The following RALGPS2 variants were observed in gnomAD, a reference collection of about 807,000 sequenced individuals.
RALGPS2 encodes Ral GEF with PH domain and SH3 binding motif 2, also known as ras-specific guanine nucleotide-releasing factor RalGPS2.
A neutral mutation model predicts 86.8 loss-of-function variants in RALGPS2; 43 were observed. That is an observed-to-expected ratio of 0.50 (90% CI 0.39 to 0.64). The LOEUF (loss-of-function observed/expected upper bound fraction) is 0.64, where lower values mean the gene tolerates loss of function less well. RALGPS2 is among the 30% of genes least tolerant of loss of function. The probability of loss-of-function intolerance (pLI) is 0.00; values close to 1 mark genes in which losing one functional copy is unlikely to be tolerated. For missense variants in RALGPS2, 536 were observed against 694.6 expected (o/e 0.77, Z 2.57); for synonymous variants, 243 against 231.3 (o/e 1.05, Z -0.46).
intron 1 of RALGPS2, among the ~76,000 whole-genome samples, chr1:178,751,870 T>G (rs1391608540): frequency 6.6e-6 from 1 of 152,220 alleles, no homozygotes; most frequent in Non-Finnish European, 1.5e-5. Flanking sequence ...GTTATAGGTG[T>G]TGTTACTTTT....
At chr1:178,774,924 G>C (rs1013422196) in intron 1 of RALGPS2, among the ~76,000 whole-genome samples, 1 of 152,140 alleles carries the variant, frequency 6.6e-6, no homozygotes, top group Non-Finnish European at 1.5e-5. Flanking sequence ...CTACTTCTAG[G>C]AAACAGATCT....
intron 9 of RALGPS2, among the ~76,000 whole-genome samples, chr1:178,878,617 T>G (rs1041361057): frequency 6.6e-6 from 1 of 152,176 alleles, no homozygotes; most frequent in Non-Finnish European, 1.5e-5. Context: ...CTGTTTAGTT[T>G]AGAATAGTTC....
chr1:178,747,691 A>G lies in RALGPS2; in HGVS notation c.-84+22272A>G, dbSNP rs114523108. The G allele has an allele frequency of 6.3e-4, 928 of 1,467,292 alleles. 5 individuals carry two copies. In the African/African-American group the frequency reaches 9.8e-3, roughly 16 times the overall value. The allele number at this position is 1,467,292 out of a possible 1,614,324, so 90.9% of individuals were successfully genotyped here. A position where few individuals can be genotyped will look rare whatever the true frequency, so the allele number is the denominator to read the frequency against. On this transcript the variant is annotated intron_variant, in intron 1 of 19. Coordinates refer to ENST00000367635, the MANE Select transcript of RALGPS2 (RefSeq NM_152663.5). ...TTTAACACAACTGTGATCATCAAGTACAGCAGCTGCCAGCGATGCTGAGCA... is the reference window on the plus strand; with the variant it reads ...TTTAACACAACTGTGATCATCAAGTGCAGCAGCTGCCAGCGATGCTGAGCA...
chr1:178,766,530 G>A (rs890349975), intron 1 of RALGPS2, among the ~76,000 whole-genome samples: 1 of 152,054 alleles, frequency 6.6e-6, no homozygotes, highest in East Asian at 1.9e-4. Flanking sequence ...CACCTAGTCA[G>A]TGTGTCTTTA....
chr1:178,737,042 A>G (rs939593865), intron 1 of RALGPS2, among the ~76,000 whole-genome samples: 1 of 152,202 alleles, frequency 6.6e-6, no homozygotes, highest in Non-Finnish European at 1.5e-5. Flanking sequence ...CTCTTGTTTT[A>G]CTTTTCCTTG....
Position 178,865,693 on chromosome 1 carries a change from A to T in RALGPS2, c.608-11805A>T, listed in dbSNP as rs569779866. The T allele has an allele frequency of 5.9e-4, 948 of 1,613,842 alleles. 15 individuals are homozygous for T. The South Asian group carries it at 9.9e-3, about 17-fold the overall frequency. On this transcript the variant is annotated intron_variant, in intron 8 of 19. Transcript: ENST00000367635. ...GGTATCTTCTCTGGTTTATTTTTTT[A>T]ATTTTGAATTGTCCACCTCTGCAAT...
chr1:178,789,567 C>A (rs555377234), intron 4 of RALGPS2, among the ~76,000 whole-genome samples: 4 of 152,276 alleles, frequency 2.6e-5, no homozygotes, highest in African/African-American at 9.6e-5. Context: ...TGGCTTTGGA[C>A]ATACTTATTT....
chr1:178,772,747 C>T (rs928121015), intron 1 of RALGPS2, among the ~76,000 whole-genome samples: 1 of 152,062 alleles, frequency 6.6e-6, no homozygotes, highest in Admixed American at 6.6e-5. Context: ...TGTAGAATCT[C>T]TTTTTATTGA....
intron 4 of RALGPS2, among the ~76,000 whole-genome samples, chr1:178,805,834 G>T (rs1160813423): frequency 6.6e-6 from 1 of 151,828 alleles, no homozygotes; most frequent in African/African-American, 2.4e-5. Context: ...CTTAAGTTTT[G>T]TTTTCTTTGA....
At chr1:178,765,172 T>A (rs78603177) in intron 1 of RALGPS2, among the ~76,000 whole-genome samples, 7 of 151,180 alleles carry the variant, frequency 4.6e-5, no homozygotes, top group South Asian at 2.1e-4. Flanking sequence ...TTTTTTTTTT[T>A]TATACAGAGT....
intron 4 of RALGPS2, among the ~76,000 whole-genome samples, chr1:178,798,699 C>T (rs1485100944): frequency 1.3e-5 from 2 of 151,962 alleles, no homozygotes; most frequent in Non-Finnish European, 2.9e-5. Context: ...GTATGGAAAC[C>T]CCACACGTTT....
chr1:178,742,338 G>T (rs1035619384), intron 1 of RALGPS2, among the ~76,000 whole-genome samples: 2 of 152,090 alleles, frequency 1.3e-5, no homozygotes, highest in Non-Finnish European at 2.9e-5. Flanking sequence ...CAAGACCCAA[G>T]CAAAGAGTAT....
rs780602915 is a variant in RALGPS2 at position 178,852,685 on chromosome 1, G to A, written c.607+19135G>A. The stretch of plus-strand genomic sequence containing the variant: ...GAATGAAAGTTTTTCATACTTACCT[G>A]CATACATATCTTTATCTCTGTCCAG... On this transcript the variant is annotated intron_variant, in intron 8 of 19. Coordinates refer to ENST00000367635, the MANE Select transcript of RALGPS2 (RefSeq NM_152663.5). 5 of 1,611,066 alleles carry A rather than the reference G, an allele frequency of 3.1e-6. 1 individual carries two copies. In the South Asian group the frequency reaches 5.5e-5, roughly 18 times the overall value.
intron 6 of RALGPS2, among the ~76,000 whole-genome samples, chr1:178,820,129 G>A (rs891342408): frequency 3.9e-5 from 6 of 152,164 alleles, no homozygotes; most frequent in Admixed American, 1.3e-4. Flanking sequence ...CACCTTAAGT[G>A]AGATCAATGA....
At chr1:178,752,317 A>T (rs1375804472) in intron 1 of RALGPS2, among the ~76,000 whole-genome samples, 7 of 137,194 alleles carry the variant, frequency 5.1e-5, no homozygotes, top group Non-Finnish European at 9.1e-5. Flanking sequence ...CTAATTTTTA[A>T]TTTTTTTTTT....
At chr1:178,753,475 CA>C (rs1184009828) in intron 1 of RALGPS2, among the ~76,000 whole-genome samples, 1 of 152,074 alleles carries the variant, frequency 6.6e-6, no homozygotes, top group Non-Finnish European at 1.5e-5. Flanking sequence ...TAGCATGAGG[CA>C]AAAATTTATG....
intron 4 of RALGPS2, among the ~76,000 whole-genome samples, chr1:178,800,142 T>C (rs1034743023): frequency 5.9e-5 from 9 of 152,116 alleles, no homozygotes; most frequent in African/African-American, 2.2e-4. Context: ...GAAGAAGATG[T>C]AGAAAAAGCA....
At chr1:178,883,380 T>C in intron 10 of RALGPS2, 86 bp from the exon 11 acceptor site, 1 of 1,086,728 alleles carries the variant, frequency 9.2e-7, no homozygotes, top group Non-Finnish European at 1.4e-6. Flanking sequence ...TGTTTTTAGT[T>C]TTTTTGTGAG....
intron 13 of RALGPS2, among the ~76,000 whole-genome samples, chr1:178,886,799 C>A (rs554735850): frequency 2.0e-4 from 30 of 152,040 alleles, no homozygotes; most frequent in African/African-American, 6.5e-4. Context: ...GGGAAAAAAA[C>A]AAAAGCCCAG....
Sources: allele counts gnomAD v4.1 joint callset (sites outside exome capture counted in the v4.1 genomes callset), GRCh38; gene constraint gnomAD v4.1.1; transcripts MANE v1.5; gene names NCBI Gene and HGNC (gene_info 2026-07-23, HGNC 2026-07-21).